DSCAM: variants seen among roughly 807,000 people sequenced by gnomAD.
DSCAM encodes the protein DS cell adhesion molecule.
DSCAM carries 47 observed loss-of-function variants against 217.7 expected under a neutral mutation model. The ratio of observed to expected loss-of-function variants is 0.22; its 90% CI spans 0.17 to 0.28. The LOEUF (loss-of-function observed/expected upper bound fraction) is 0.28. Ranked by LOEUF, DSCAM falls within the 10% of genes least tolerant of loss-of-function variation. The pLI is 1.00. For synonymous variants in DSCAM, 1,056 were observed against 1,015.3 expected, an observed-to-expected ratio of 1.04 and a Z score of -0.76; for missense variants, 2,080 against 2,618.3, an observed-to-expected ratio of 0.79 and a Z score of 4.49.
At chr21:40,479,054 G>A (rs1038818357) in intron 3 of DSCAM, among the ~76,000 whole-genome samples, 4 of 152,168 alleles carry the variant, frequency 2.6e-5, no homozygotes, top group Non-Finnish European at 5.9e-5. Context: ...GCAGATAAGG[G>A]GGAAGAATGC....
chr21:40,620,768 A>T (rs2089503326), intron 3 of DSCAM, among the ~76,000 whole-genome samples: 1 of 152,192 alleles, frequency 6.6e-6, no homozygotes, highest in South Asian at 2.1e-4. Context: ...GAAACACTAC[A>T]CTGTGTTCAT....
chr21:40,298,370 T>G (rs775934662), intron 9 of DSCAM, among the ~76,000 whole-genome samples: 1 of 152,076 alleles, frequency 6.6e-6, no homozygotes, highest in Non-Finnish European at 1.5e-5. Context: ...CGTGAGCCAC[T>G]GCGCACGGCC....
chr21:40,263,666 AC>A (rs1188499490), intron 11 of DSCAM, among the ~76,000 whole-genome samples: 1 of 152,146 alleles, frequency 6.6e-6, no homozygotes, highest in Admixed American at 6.5e-5. Flanking sequence ...ACAAGAACAA[AC>A]CAAACCCAAA....
intron 3 of DSCAM, among the ~76,000 whole-genome samples, chr21:40,540,746 G>A (rs2076536791): frequency 6.6e-6 from 1 of 152,084 alleles, no homozygotes; most frequent in African/African-American, 2.4e-5. Context: ...CAGCCTTTCT[G>A]TGCAACCCTG....
intron 9 of DSCAM, among the ~76,000 whole-genome samples, chr21:40,309,660 G>A (rs1379187796): frequency 6.6e-6 from 1 of 152,100 alleles, no homozygotes; most frequent in Non-Finnish European, 1.5e-5. Flanking sequence ...TTGTTATTAG[G>A]CAAAGCATGA....
At chr21:40,052,427 T>G (rs1221591363) in intron 29 of DSCAM, among the ~76,000 whole-genome samples, 1 of 152,192 alleles carries the variant, frequency 6.6e-6, no homozygotes, top group African/African-American at 2.4e-5. Flanking sequence ...TCTGGATTTA[T>G]GTGTTTGTCA....
intron 3 of DSCAM, among the ~76,000 whole-genome samples, chr21:40,613,821 A>G (rs2089348567): frequency 6.6e-6 from 1 of 152,106 alleles, no homozygotes; most frequent in Admixed American, 6.5e-5. Flanking sequence ...AAAAAAGGCA[A>G]TCCAATTAAA....
intron 3 of DSCAM, among the ~76,000 whole-genome samples, chr21:40,527,793 GAAACATGA>G (rs1157247335): frequency 1.3e-5 from 2 of 152,194 alleles, no homozygotes; most frequent in Non-Finnish European, 2.9e-5. Context: ...TGGTGCAAAG[GAAACATGA>G]AGCTCACCCT....
intron 3 of DSCAM, among the ~76,000 whole-genome samples, chr21:40,530,131 T>C (rs1386924239): frequency 6.6e-6 from 1 of 152,224 alleles, no homozygotes; most frequent in African/African-American, 2.4e-5. Context: ...AGAAGTGACT[T>C]GTCCAAACCA....
At chr21:40,360,482 T>C (rs180864056) in intron 4 of DSCAM, among the ~76,000 whole-genome samples, 6 of 152,014 alleles carry the variant, frequency 3.9e-5, no homozygotes, top group African/African-American at 1.2e-4. Flanking sequence ...CACAGTCTAG[T>C]GTCCACAGTG....
intron 32 of DSCAM, among the ~76,000 whole-genome samples, chr21:40,037,060 A>T (rs975382495): frequency 2.7e-5 from 4 of 150,326 alleles, no homozygotes; most frequent in African/African-American, 5.0e-5. Context: ...AGCCAATATC[A>T]TACTGAATGG....
rs370177628 is a variant in DSCAM at position 40,840,766 on chromosome 21, T to A, written c.43+5853A>T. ...AAAGAGTCCAGTGGTTTAGTCAGAA[T>A]GCAAGATAGGGACCAGGAGAGCAAG... On this transcript the variant is annotated intron_variant, in intron 1 of 32. Coordinates refer to ENST00000400454, the MANE Select transcript of DSCAM (RefSeq NM_001389.5). 3.9e-5 allele frequency among the ~76,000 whole-genome samples: 6 copies of A among 151,982 alleles called. No homozygotes were observed. In the East Asian group the frequency reaches 7.7e-4, roughly 20 times the overall value.
chr21:40,287,201 G>C (rs574080742), intron 10 of DSCAM, among the ~76,000 whole-genome samples: 1 of 144,896 alleles, frequency 6.9e-6, no homozygotes, highest in African/African-American at 2.9e-5. Context: ...GTGATCTGCA[G>C]TATGATGTGC....
At chr21:40,697,809 T>C (rs912194569) in intron 2 of DSCAM, among the ~76,000 whole-genome samples, 1 of 152,246 alleles carries the variant, frequency 6.6e-6, no homozygotes, top group African/African-American at 2.4e-5. Flanking sequence ...AGGATTGCTT[T>C]AGCATTTCGG....
rs552456876 is a variant in DSCAM, at chr21:40,258,125, G to A, written c.2356+17972C>T. 1.6e-4 allele frequency among the ~76,000 whole-genome samples: 24 copies of A among 152,226 alleles called. No individual in the cohort carries two copies. The South Asian group carries it at 1.7e-3, about 11-fold the overall frequency. On this transcript the variant is annotated intron_variant, in intron 11 of 32. Coordinates refer to ENST00000400454, the MANE Select transcript of DSCAM (RefSeq NM_001389.5). ...AACATGGCATCTGACCTGCATCTCC[G>A]GGGAGAAAGTATTGTTCCTAGCAGC...
chr21:40,131,504 C>T (rs1457440875), intron 19 of DSCAM, among the ~76,000 whole-genome samples: 4 of 152,188 alleles, frequency 2.6e-5, no homozygotes, highest in Admixed American at 2.0e-4. Context: ...CAGCTCACTG[C>T]AGCCTCTGCC....
intron 3 of DSCAM, among the ~76,000 whole-genome samples, chr21:40,605,560 AT>A (rs1257397852): frequency 6.6e-6 from 1 of 152,156 alleles, no homozygotes; most frequent in African/African-American, 2.4e-5. Context: ...GAAAGTAGCC[AT>A]AAACAAAATG....
chr21:40,403,274 T>G (rs1180012918), intron 3 of DSCAM, among the ~76,000 whole-genome samples: 1 of 152,156 alleles, frequency 6.6e-6, no homozygotes, highest in Non-Finnish European at 1.5e-5. Context: ...AAGAACAATT[T>G]TTTAATGTCC....
intron 3 of DSCAM, among the ~76,000 whole-genome samples, chr21:40,412,517 G>C (rs2075332423): frequency 6.6e-6 from 1 of 152,202 alleles, no homozygotes; most frequent in African/African-American, 2.4e-5. Flanking sequence ...TTTTAACAAA[G>C]AGACTGATGG....
Sources: allele counts gnomAD v4.1 joint callset (sites outside exome capture counted in the v4.1 genomes callset), GRCh38; gene constraint gnomAD v4.1.1; transcripts MANE v1.5; gene names NCBI Gene and HGNC (gene_info 2026-07-23, HGNC 2026-07-21).